GRID2: variants seen among roughly 807,000 people sequenced by gnomAD.
The protein encoded by GRID2 is glutamate receptor ionotropic, delta-2.
Under a neutral mutation model 114.8 loss-of-function variants are expected in GRID2, and 33 were observed. That is an observed-to-expected ratio of 0.29 (90% CI 0.22 to 0.38). GRID2 has a LOEUF of 0.38. Among genes scored for constraint, GRID2 ranks in the 10% least tolerant of loss-of-function variants. GRID2 has a pLI of 1.00. For missense variants in GRID2, 1,184 were observed against 1,257.7 expected, an observed-to-expected ratio of 0.94 and a Z score of 0.89; for synonymous variants, 505 against 449.9, an observed-to-expected ratio of 1.12 and a Z score of -1.55.
At chr4:93,485,880 G>GCA (rs1030256039) in intron 11 of GRID2, among the ~76,000 whole-genome samples, 2 of 151,512 alleles carry the variant, frequency 1.3e-5, no homozygotes, top group East Asian at 2.0e-4. Flanking sequence ...ATTTACTTGT[G>GCA]CACACACACA....
intron 1 of GRID2, among the ~76,000 whole-genome samples, chr4:93,802,526 C>T (rs2110368167): frequency 6.6e-6 from 1 of 152,240 alleles, no homozygotes; most frequent in African/African-American, 2.4e-5. Flanking sequence ...CACCAATGAC[C>T]AAAGTCCCAA....
At chr4:92,522,078 A>G (rs1724809864) in intron 1 of GRID2, among the ~76,000 whole-genome samples, 1 of 151,834 alleles carries the variant, frequency 6.6e-6, no homozygotes, top group Non-Finnish European at 1.5e-5. Flanking sequence ...GGGCAGATAG[A>G]GTAGGGGCTG....
intron 9 of GRID2, among the ~76,000 whole-genome samples, chr4:93,416,248 A>G (rs1389668366): frequency 6.6e-6 from 1 of 152,024 alleles, no homozygotes; most frequent in Admixed American, 6.6e-5. Flanking sequence ...TAATACTCAC[A>G]TATGCTCTAT....
At chr4:93,064,000 G>A (rs1309026287) in intron 2 of GRID2, among the ~76,000 whole-genome samples, 1 of 150,228 alleles carries the variant, frequency 6.7e-6, no homozygotes, top group East Asian at 1.9e-4. Context: ...ATATATGTAT[G>A]TGTATATATT....
intron 2 of GRID2, among the ~76,000 whole-genome samples, chr4:92,614,446 ATTTTTT>A (rs200537991): frequency 6.6e-6 from 1 of 151,366 alleles, no homozygotes; most frequent in Non-Finnish European, 1.5e-5. Context: ...CAGTTCAACA[ATTTTTT>A]TTCCAATTTT....
chr4:92,431,024 C>T (rs1208102402), intron 1 of GRID2, among the ~76,000 whole-genome samples: 1 of 151,984 alleles, frequency 6.6e-6, no homozygotes, highest in Non-Finnish European at 1.5e-5. Context: ...TAGGTTTTTC[C>T]AAATATGAGA....
chr4:93,330,801 CA>C (rs1385512146), intron 8 of GRID2, among the ~76,000 whole-genome samples: 1 of 152,046 alleles, frequency 6.6e-6, no homozygotes, highest in African/African-American at 2.4e-5. Context: ...TCTTTCTTTT[CA>C]AGTATATTTC....
intron 9 of GRID2, among the ~76,000 whole-genome samples, chr4:93,399,681 A>G (rs1484471656): frequency 6.6e-6 from 1 of 152,096 alleles, no homozygotes; most frequent in African/African-American, 2.4e-5. Context: ...AGAAAAAGAA[A>G]GAGAATCACT....
At chr4:93,494,999 C>T (rs1727389512) in intron 12 of GRID2, among the ~76,000 whole-genome samples, 1 of 151,712 alleles carries the variant, frequency 6.6e-6, no homozygotes, top group Admixed American at 6.6e-5. Context: ...ATGGGAAAAT[C>T]AGGGTTACAC....
intron 2 of GRID2, among the ~76,000 whole-genome samples, chr4:92,672,703 C>G (rs1216267601): frequency 1.3e-5 from 2 of 152,058 alleles, no homozygotes; most frequent in South Asian, 2.1e-4. Context: ...TTTATTTATT[C>G]ATACATAATA....
At chr4:93,414,949 A>G (rs1416816673) in intron 9 of GRID2, among the ~76,000 whole-genome samples, 1 of 151,992 alleles carries the variant, frequency 6.6e-6, no homozygotes, top group Non-Finnish European at 1.5e-5. Flanking sequence ...TATCTTTAAT[A>G]TTTGTGTGGC....
chr4:92,580,769 A>G (rs2149202329), intron 1 of GRID2, among the ~76,000 whole-genome samples: 1 of 152,092 alleles, frequency 6.6e-6, no homozygotes, highest in Admixed American at 6.6e-5. Flanking sequence ...TAATACTAAA[A>G]AGGTAGAGTA....
intron 8 of GRID2, among the ~76,000 whole-genome samples, chr4:93,333,225 T>A (rs17020435): frequency 0.25 from 38,416 of 151,876 alleles, 8,153 homozygotes; most frequent in African/African-American, 0.58. Context: ...TAATGTGCAG[T>A]TGAATTGCTC....
chr4:92,904,963 T>C (rs918002461), intron 2 of GRID2, among the ~76,000 whole-genome samples: 3 of 152,042 alleles, frequency 2.0e-5, no homozygotes, highest in African/African-American at 7.2e-5. Context: ...GCTTTTAAAA[T>C]TGTTAGCTGA....
chr4:92,877,384 T>G (rs2149452920), intron 2 of GRID2, among the ~76,000 whole-genome samples: 1 of 152,316 alleles, frequency 6.6e-6, no homozygotes, highest in South Asian at 2.1e-4. Context: ...CTCAGTAATT[T>G]TAACCTCCTT....
chr4:93,394,692 G>A (rs563605794), intron 8 of GRID2, among the ~76,000 whole-genome samples: 113 of 151,922 alleles, frequency 7.4e-4, no homozygotes, highest in Non-Finnish European at 1.5e-3. Flanking sequence ...GTGCACATGC[G>A]GAATATGTTC....
At chr4:93,529,582 C>G (rs1019153777) in intron 13 of GRID2, among the ~76,000 whole-genome samples, 1 of 152,098 alleles carries the variant, frequency 6.6e-6, no homozygotes, top group Non-Finnish European at 1.5e-5. Flanking sequence ...TATTATGTTG[C>G]CTTCCAACTA....
intron 1 of GRID2, among the ~76,000 whole-genome samples, chr4:92,578,290 C>T (rs1728006060): frequency 9.1e-6 from 1 of 110,446 alleles, no homozygotes; most frequent in Non-Finnish European, 1.8e-5. Context: ...CACAACAGTC[C>T]CCAGAGTGTG....
intron 8 of GRID2, among the ~76,000 whole-genome samples, chr4:93,313,866 G>A: frequency 6.6e-6 from 1 of 152,176 alleles, no homozygotes; most frequent in African/African-American, 2.4e-5. Context: ...AGCTGTGACT[G>A]TAATGGTTCT....
Sources: gnomAD v4.1 joint callset for allele counts (sites outside exome capture counted in the v4.1 genomes callset) on GRCh38, gnomAD v4.1.1 for gene constraint, MANE v1.5 for transcripts, NCBI Gene and HGNC (gene_info 2026-07-23, HGNC 2026-07-21) for gene names.